Variants in ATN1 observed in about 807,000 individuals in gnomAD.
The protein encoded by ATN1 is atrophin 1, also known as atrophin-1.
In ATN1, 19 loss-of-function variants were observed where a neutral mutation model predicts 85.8. That is an observed-to-expected ratio of 0.22 (90% CI 0.15 to 0.32). ATN1 has a LOEUF of 0.32. Among genes scored for constraint, ATN1 ranks in the 10% least tolerant of loss-of-function variants. The probability of loss-of-function intolerance (pLI) is 1.00; values close to 1 mark genes in which losing one functional copy is unlikely to be tolerated. For missense variants in ATN1, 1,453 were observed against 1,564.5 expected, an observed-to-expected ratio of 0.93 and a Z score of 1.20; for synonymous variants, 674 against 657.0, an observed-to-expected ratio of 1.03 and a Z score of -0.39.
In ATN1 at chr12:6,935,960, C is replaced by T. The variant is rs1945526088; in HGVS notation, c.693C>T (p.Pro231=). Residue 231 remains proline (P), a synonymous_variant, in exon 5 of 10, where the codon CCC becomes CCT. Coordinates refer to ENST00000396684, the MANE Select transcript of ATN1 (RefSeq NM_001940.4). The surrounding 1 kb of genome is among the most constrained non-coding windows in gnomAD (Gnocchi z 5.3). The part of the protein sequence containing the change: ...PGGTGGVLSG[P]PMGPKGGGAA... Reference sequence around the variant, plus strand: ...GCACTGGTGGAGTTTTGTCTGGACCCCCAATGGGTCCCAAGGGGGGAGGGG... The same window carrying T: ...GCACTGGTGGAGTTTTGTCTGGACCTCCAATGGGTCCCAAGGGGGGAGGGG... 2.5e-6 allele frequency: 4 copies of T among 1,591,316 alleles called. No homozygotes were observed. Among genetic ancestry groups the T allele is most frequent in the Non-Finnish European group, 3.4e-6 (4 of 1,167,704 alleles).
chr12:6,934,582 G>C lies in ATN1; in HGVS notation c.279+4G>C. 2.6e-6 allele frequency: 4 copies of C among 1,550,316 alleles called. No homozygotes were observed. The highest frequency in any genetic ancestry group is 3.5e-6 in the Non-Finnish European group (4 of 1,144,518). On this transcript the variant is annotated splice_donor_region_variant and intron_variant, in intron 4 of 9. Transcript: ENST00000396684. The surrounding 1 kb of genome is among the most constrained non-coding windows in gnomAD (Gnocchi z 4.5). The stretch of plus-strand genomic sequence containing the variant: ...ACCAAAAAAGACCAAAACTGAGGTG[G>C]GAAACCCTTGTCGCCATCCTGACCC...
At chr12:6,938,417 C>T in intron 6 of ATN1, 64 bp from the exon 7 acceptor site, 5 of 1,521,364 alleles carry the variant, frequency 3.3e-6, no homozygotes, top group Non-Finnish European at 4.4e-6. Context: ...AAATGGGCAG[C>T]TTAAAACCAG....
intron 1 of ATN1, among the ~76,000 whole-genome samples, chr12:6,929,829 T>C (rs782483600): frequency 4.7e-4 from 72 of 152,276 alleles, no homozygotes; most frequent in Admixed American, 1.7e-3. Context: ...TCCCTTATTA[T>C]GTTATTTTTT....
Position 6,934,074 on chromosome 12 carries a change from A to G in ATN1, c.27+46A>G. 1 of 1,611,472 alleles carries G rather than the reference A, an allele frequency of 6.2e-7. No individual in the cohort carries two copies. The highest frequency in any genetic ancestry group is 8.5e-7 in the Non-Finnish European group (1 of 1,178,672). On this transcript the variant is annotated intron_variant, in intron 2 of 9. Coordinates refer to ENST00000396684, the MANE Select transcript of ATN1 (RefSeq NM_001940.4). The surrounding 1 kb of genome is among the most constrained non-coding windows in gnomAD (Gnocchi z 4.5). ...TGAAAGATGAGGGGCGGGGCAGGCAAGCTAGGAGGAAGGGTCTAGAGAAGA... is the reference window on the plus strand; with the variant it reads ...TGAAAGATGAGGGGCGGGGCAGGCAGGCTAGGAGGAAGGGTCTAGAGAAGA...
rs1555143633 is a variant in ATN1, at chr12:6,936,300, G to A, written c.1033G>A (p.Gly345Ser). Residue 345 changes from glycine to serine, a missense_variant, in exon 5 of 10, where the codon GGC (glycine) becomes AGC (serine). Physicochemically the swap from Gly to Ser is moderately conservative, Grantham distance 56. Around this residue, in one of 6 missense-constraint regions of ATN1, gnomAD observed 990 missense variants for 914.8 expected, o/e 1.08. Coordinates refer to ENST00000396684, the MANE Select transcript of ATN1 (RefSeq NM_001940.4). ...MGQGMGGLPP[G>S]PEKGPTLAPS... ...ACAGGGTATGGGTGGACTTCCTCCT[G>A]GCCCAGAGAAGGGCCCAACTCTGGC... The A allele has an allele frequency of 6.2e-7, 1 of 1,613,830 alleles. No homozygotes were observed. The highest frequency in any genetic ancestry group is 2.2e-5 in the East Asian group (1 of 44,868).
upstream of ATN1, among the ~76,000 whole-genome samples, chr12:6,925,218 T>C: frequency 6.6e-6 from 1 of 150,432 alleles, no homozygotes; most frequent in South Asian, 2.1e-4. Flanking sequence ...TGGGAGAGGG[T>C]AGACAATGGT....
upstream of ATN1, among the ~76,000 whole-genome samples, chr12:6,926,198 G>A (rs781956662): frequency 5.9e-5 from 9 of 152,168 alleles, no homozygotes; most frequent in Non-Finnish European, 1.0e-4. Flanking sequence ...CTCCACCTTA[G>A]AACAAGTGGG....
chr12:6,941,071 A>G lies in ATN1; in HGVS notation c.3358+48A>G, dbSNP rs782427433. The G allele has an allele frequency of 7.5e-5, 121 of 1,604,878 alleles. No homozygotes were observed. In the South Asian group the frequency reaches 1.3e-3, roughly 17 times the overall value. On this transcript the variant is annotated intron_variant, in intron 8 of 9. Transcript: ENST00000396684. The surrounding 1 kb of genome is among the most constrained non-coding windows in gnomAD (Gnocchi z 5.9). Reference sequence around the variant, plus strand: ...GCAGCTCCAATGAGAAAAGGGCAGAAAGGAGGTATTTGGGTGGGGGGATGG... The same window carrying G: ...GCAGCTCCAATGAGAAAAGGGCAGAGAGGAGGTATTTGGGTGGGGGGATGG...
Position 6,934,650 on chromosome 12 carries a change from T to C in ATN1, c.279+72T>C. ...TTCTCAGACTTGCTTATGCTCACTA[T>C]TCTTAGCTGGATCTCTCCTGGGACA... On this transcript the variant is annotated intron_variant, in intron 4 of 9. Coordinates refer to ENST00000396684, the MANE Select transcript of ATN1 (RefSeq NM_001940.4). The surrounding 1 kb of genome is among the most constrained non-coding windows in gnomAD (Gnocchi z 4.5). The C allele has an allele frequency of 8.8e-7, 1 of 1,131,512 alleles. No homozygotes were observed. The highest frequency in any genetic ancestry group is 1.3e-5 in the South Asian group (1 of 74,490). 70.1% of individuals were successfully genotyped at this position (1,131,512 alleles called of 1,614,324 possible). A position where few individuals can be genotyped will look rare whatever the true frequency, so the allele number is the denominator to read the frequency against.
intron 7 of ATN1, 99 bp downstream of exon 7, chr12:6,939,276 CCTGGCATGAACCTTTCCTGAGATTG>C (rs1217610687): frequency 6.9e-7 from 1 of 1,441,172 alleles, no homozygotes; most frequent in Non-Finnish European, 9.2e-7. Context: ...CCTCCCCTGG[CCTGGCATGAACCTTTCCTGAGATTG>C]CTGCCCTGAA....
intron 1 of ATN1, among the ~76,000 whole-genome samples, chr12:6,933,141 T>G (rs953803274): frequency 5.9e-5 from 9 of 152,228 alleles, no homozygotes; most frequent in Admixed American, 2.6e-4. Context: ...GTTGTAAATA[T>G]TAAATGAAAT....
chr12:6,936,878 G>A lies in ATN1; in HGVS notation c.1611G>A (p.Gly537=). 1 of 1,613,980 alleles carries A rather than the reference G, an allele frequency of 6.2e-7. No individual in the cohort carries two copies. Residue 537 remains glycine (G), a synonymous_variant, in exon 5 of 10, where the codon GGG becomes GGA. Coordinates refer to ENST00000396684, the MANE Select transcript of ATN1 (RefSeq NM_001940.4). ...AHPYAMSPSL[G]SLRPYPPGPA... ...CTTACGCCATGTCTCCCTCCCTGGG[G>A]TCTCTGAGGCCCTACCCACCAGGGC...
At chr12:6,932,349 G>A (rs1283803315) in intron 1 of ATN1, among the ~76,000 whole-genome samples, 1 of 152,202 alleles carries the variant, frequency 6.6e-6, no homozygotes, top group African/African-American at 2.4e-5. Context: ...CTTAATTCAG[G>A]AAGAAAGACC....
At position 6,941,541 on chromosome 12, in the gene ATN1, G is replaced by T; in HGVS notation, c.3526G>T (p.Glu1176Ter). The stretch of plus-strand genomic sequence containing the variant: ...GCACAGTGTGCCGCTGCCTGCCCAG[G>T]AGGACTACTACAGGTACCCTAGGGT... ...PLHSVPLPAQ[E>*]DYYSHLKKES... The change falls in exon 9 of 10, where the codon GAG (glutamate) becomes TAG (stop). Residue 1176 changes from glutamate to a stop codon, truncating the protein, a stop_gained. Coordinates refer to ENST00000396684, the MANE Select transcript of ATN1 (RefSeq NM_001940.4). LOFTEE classifies it high-confidence loss of function. This position sits in a 1 kb window ranked among gnomAD's most constrained non-coding sequence, Gnocchi z 5.9. The T allele has an allele frequency of 6.2e-7, 1 of 1,612,778 alleles. No homozygotes were observed.
chr12:6,936,037 C>G lies in ATN1; in HGVS notation c.770C>G (p.Thr257Ser), dbSNP rs782018994. 3.0e-5 allele frequency: 47 copies of G among 1,577,988 alleles called. No homozygotes were observed. The highest frequency in any genetic ancestry group is 3.4e-6 in the Non-Finnish European group (4 of 1,162,642). The change falls in exon 5 of 10, where the codon ACT (threonine) becomes AGT (serine). Residue 257 changes from threonine (T) to serine (S), a missense_variant. Coordinates refer to ENST00000396684, the MANE Select transcript of ATN1 (RefSeq NM_001940.4). ...PNGGKQHPPP[T>S]TPISVSSSGA... Reference sequence around the variant, plus strand: ...GGGGGTAAGCAGCACCCCCCACCCACTACTCCCATTTCAGTATCAAGCTCT... The same window carrying G: ...GGGGGTAAGCAGCACCCCCCACCCAGTACTCCCATTTCAGTATCAAGCTCT...
chr12:6,937,255 C>T lies in ATN1; in HGVS notation c.1988C>T (p.Pro663Leu), dbSNP rs1249381837. The stretch of plus-strand genomic sequence containing the variant: ...CCCGGATACAAACCCGGGTCGCCTC[C>T]CTCCTTCCGAACGGGGACCCCACCG... The part of the protein sequence containing the change: ...TPPGYKPGSP[P>L]SFRTGTPPGY... The change falls in exon 5 of 10, where the codon CCC becomes CTC. Residue 663 changes from proline (P) to leucine (L), a missense_variant. By Grantham distance (98) the Pro-to-Leu change is moderately conservative. Transcript: ENST00000396684. This position sits in a 1 kb window ranked among gnomAD's most constrained non-coding sequence, Gnocchi z 6.0. 3 of 1,611,392 alleles carry T rather than the reference C, an allele frequency of 1.9e-6. No homozygotes were observed. Among genetic ancestry groups the T allele is most frequent in the African/African-American group, 2.7e-5 (2 of 74,904 alleles).
At position 6,936,673 on chromosome 12, in the gene ATN1, A is replaced by T; in HGVS notation, c.1406A>T (p.Gln469Leu). The T allele has an allele frequency of 6.2e-7, 1 of 1,613,234 alleles. No homozygotes were observed. ...CCCTTCCCTCCCTCTACTGGGGCCC[A>T]GTCCACCGCCCACCCACCAGTCTCA... ...PGPFPPSTGA[Q>L]STAHPPVSTH... The change falls in exon 5 of 10, where the codon CAG (glutamine) becomes CTG (leucine). Residue 469 changes from glutamine (Q) to leucine (L), a missense_variant. This residue lies in a region of ATN1 where 990 missense variants were observed against 914.8 expected (regional missense o/e 1.08). Transcript: ENST00000396684.
chr12:6,930,075 G>C (rs782664122), intron 1 of ATN1, among the ~76,000 whole-genome samples: 22 of 152,190 alleles, frequency 1.4e-4, no homozygotes, highest in Non-Finnish European at 2.6e-4. Flanking sequence ...CAGGAGCCAG[G>C]AGACCTGTGT....
At position 6,938,917 on chromosome 12, in the gene ATN1, G is replaced by C. The variant is rs1945595496; in HGVS notation, c.2954G>C (p.Gly985Ala). 2 of 1,613,930 alleles carry C rather than the reference G, an allele frequency of 1.2e-6. No homozygotes were observed. The highest frequency in any genetic ancestry group is 2.7e-5 in the African/African-American group (2 of 74,920). The change falls in exon 7 of 10, where the codon GGC (glycine) becomes GCC (alanine). Residue 985 changes from glycine to alanine, a missense_variant. By Grantham distance (60) the Gly-to-Ala change is moderately conservative. This residue lies in a region of ATN1 where 208 missense variants were observed against 263.4 expected (regional missense o/e 0.79). Coordinates refer to ENST00000396684, the MANE Select transcript of ATN1 (RefSeq NM_001940.4). ...CTGGCTCTGCAGCCTGGCCCACCTG[G>C]CCTGCACCCTTTCCCCTTTCATCCG... is the stretch of plus-strand genomic sequence containing the variant. ...GGLALQPGPPGLHPFPFHPSL... is the reference protein window; with the variant it reads ...GGLALQPGPPALHPFPFHPSL...
Sources: gnomAD v4.1 joint callset for allele counts (sites outside exome capture counted in the v4.1 genomes callset) on GRCh38, gnomAD v4.1.1 for gene constraint, gnomAD v4.1.1 regional missense constraint, Gnocchi (gnomAD v3.1) non-coding constraint, MANE v1.5 for transcripts, NCBI Gene and HGNC (gene_info 2026-07-23, HGNC 2026-07-21) for gene names.